ZNF292: variants seen among roughly 807,000 people sequenced by gnomAD.
The protein encoded by ZNF292 is zinc finger protein 292.
Under a neutral mutation model 217.9 loss-of-function variants are expected in ZNF292, and 26 were observed. The ratio of observed to expected loss-of-function variants is 0.12; its 90% CI spans 0.09 to 0.17. The LOEUF is 0.17. Among genes scored for constraint, ZNF292 ranks in the 10% least tolerant of loss-of-function variants. ZNF292 has a pLI of 1.00. For synonymous variants in ZNF292, 1,257 were observed against 1,124.1 expected, an observed-to-expected ratio of 1.12 and a Z score of -2.37; for missense variants, 2,904 against 3,175.2, an observed-to-expected ratio of 0.91 and a Z score of 2.05.
Position 87,257,144 on chromosome 6 carries a change from C to T in ZNF292, c.3515C>T (p.Thr1172Ile). 1 of 1,613,890 alleles carries T rather than the reference C, an allele frequency of 6.2e-7. No homozygotes were observed. The highest frequency in any genetic ancestry group is 8.5e-7 in the Non-Finnish European group (1 of 1,179,852). The part of the protein sequence containing the change: ...NSSNPFFTSQ[T>I]KANGNPACSA... ...TCAAATCCATTTTTTACATCACAGA[C>T]CAAAGCCAATGGGAATCCTGCTTGT... The change falls in exon 8 of 8, where the codon ACC becomes ATC. Residue 1172 changes from threonine (T) to isoleucine (I), a missense_variant. Coordinates refer to ENST00000369577, the MANE Select transcript of ZNF292 (RefSeq NM_015021.3).
intron 1 of ZNF292, among the ~76,000 whole-genome samples, chr6:87,168,634 T>C (rs1317962356): frequency 6.6e-6 from 1 of 152,098 alleles, no homozygotes; most frequent in Admixed American, 6.5e-5. Context: ...TGTGCCTGGC[T>C]AATTTTTCTA....
chr6:87,168,475 C>T (rs576112332), intron 1 of ZNF292, among the ~76,000 whole-genome samples: 3 of 152,186 alleles, frequency 2.0e-5, no homozygotes, highest in African/African-American at 4.8e-5. Flanking sequence ...ATATTAGCTT[C>T]GTAATAGTTT....
At chr6:87,194,706 A>G (rs1047651866) in intron 1 of ZNF292, among the ~76,000 whole-genome samples, 2 of 152,218 alleles carry the variant, frequency 1.3e-5, no homozygotes, top group Non-Finnish European at 2.9e-5. Flanking sequence ...AATTTATTTT[A>G]CAAAGTAATA....
In ZNF292 at chr6:87,261,721, G is replaced by A. The variant is rs1302008908; in HGVS notation, c.8092G>A (p.Glu2698Lys). Residue 2698 changes from glutamate to lysine, a missense_variant, in exon 8 of 8, where the codon GAA (glutamate) becomes AAA (lysine). Physicochemically the swap from Glu to Lys is moderately conservative, Grantham distance 56. Around this residue, in one of 15 missense-constraint regions of ZNF292, gnomAD observed 380 missense variants for 355.3 expected, o/e 1.07. Coordinates refer to ENST00000369577, the MANE Select transcript of ZNF292 (RefSeq NM_015021.3). ...MKPTVSLKKL[E>K]VHSNDPDMSV... Reference sequence around the variant, plus strand: ...ACCTACCGTCAGTCTGAAAAAACTTGAAGTACATTCAAATGATCCAGATAT... The same window carrying A: ...ACCTACCGTCAGTCTGAAAAAACTTAAAGTACATTCAAATGATCCAGATAT... The A allele has an allele frequency of 6.2e-7, 1 of 1,613,022 alleles. No individual in the cohort carries two copies. The highest frequency in any genetic ancestry group is 1.3e-5 in the African/African-American group (1 of 74,954).
At chr6:87,243,433 T>C (rs1485720812) in intron 5 of ZNF292, 42 bp from the exon 6 acceptor site, 1 of 1,500,160 alleles carries the variant, frequency 6.7e-7, no homozygotes, top group Non-Finnish European at 8.9e-7. Flanking sequence ...TATTCTAATA[T>C]AAAACCATTT....
At position 87,258,376 on chromosome 6, in the gene ZNF292, G is replaced by A; in HGVS notation, c.4747G>A (p.Gly1583Ser). 3 of 1,613,646 alleles carry A rather than the reference G, an allele frequency of 1.9e-6. No homozygotes were observed. The highest frequency in any genetic ancestry group is 2.5e-6 in the Non-Finnish European group (3 of 1,179,762). Residue 1583 changes from glycine to serine, a missense_variant, in exon 8 of 8, where the codon GGT (glycine) becomes AGT (serine). By Grantham distance (56) the Gly-to-Ser change is moderately conservative. Around this residue, in one of 15 missense-constraint regions of ZNF292, gnomAD observed 622 missense variants for 573.1 expected, o/e 1.09. Coordinates refer to ENST00000369577, the MANE Select transcript of ZNF292 (RefSeq NM_015021.3). ...CTTACTACTGAAGACTGTTGAAAAT[G>A]GTTTGTGCTCTAGTTCATTTCCTAA... is the stretch of plus-strand genomic sequence containing the variant. ...NDLLLKTVEN[G>S]LCSSSFPNSG...
At position 87,261,941 on chromosome 6, in the gene ZNF292, A is replaced by G; in HGVS notation, c.*140A>G. On this transcript the variant is annotated 3_prime_UTR_variant, in exon 8 of 8. Coordinates refer to ENST00000369577, the MANE Select transcript of ZNF292 (RefSeq NM_015021.3). Reference sequence around the variant, plus strand: ...CTGGCCAAAAACAAAAAAGAAAAAAAAAACATGACATTTGTCATGTAAAAC... The same window carrying G: ...CTGGCCAAAAACAAAAAAGAAAAAAGAAACATGACATTTGTCATGTAAAAC... 2 of 621,354 alleles carry G rather than the reference A, an allele frequency of 3.2e-6. No homozygotes were observed. Among genetic ancestry groups the G allele is most frequent in the Non-Finnish European group, 5.0e-6 (2 of 404,024 alleles). 38.5% of individuals were successfully genotyped at this position (621,354 alleles called of 1,614,324 possible).
In ZNF292 at chr6:87,216,055, A is replaced by G. The variant is rs1430412786; in HGVS notation, c.321A>G (p.Ala107=). The change falls in exon 2 of 8, where the codon GCA becomes GCG. Residue 107 remains alanine, a splice_region_variant and synonymous_variant. Transcript: ENST00000369577. ...TAGCCTTGGTTCTGGAACGCTTGGCATTGTGAGTAGACCTTTGAGTAAATA... is the reference window on the plus strand; with the variant it reads ...TAGCCTTGGTTCTGGAACGCTTGGCGTTGTGAGTAGACCTTTGAGTAAATA... The part of the protein sequence containing the change: ...ENVALVLERL[A]LSCVELLLCL... 6.5e-7 allele frequency: 1 copy of G among 1,550,268 alleles called. No individual in the cohort carries two copies. The highest frequency in any genetic ancestry group is 1.4e-5 in the African/African-American group (1 of 72,224).
Position 87,160,889 on chromosome 6 carries a change from G to A in ZNF292, c.168+5130G>A, listed in dbSNP as rs558283620. Among the ~76,000 whole-genome samples the A allele has an allele frequency of 7.6e-4, 115 of 152,138 alleles. No homozygotes were observed. In the South Asian group the frequency reaches 0.022, roughly 29 times the overall value. On this transcript the variant is annotated intron_variant, in intron 1 of 7. Coordinates refer to ENST00000369577, the MANE Select transcript of ZNF292 (RefSeq NM_015021.3). The stretch of plus-strand genomic sequence containing the variant: ...TAAGTTTTCTGAAGTGATCAGGACC[G>A]TCCCAACAAATGAAAGCGTAATTCC...
At chr6:87,239,115 A>C (rs1379934332) in intron 5 of ZNF292, among the ~76,000 whole-genome samples, 1 of 152,114 alleles carries the variant, frequency 6.6e-6, no homozygotes, top group South Asian at 2.1e-4. Flanking sequence ...TGATTTCTCT[A>C]TCTTTTCCCC....
intron 1 of ZNF292, among the ~76,000 whole-genome samples, chr6:87,156,598 C>A (rs1770548861): frequency 6.6e-6 from 1 of 152,218 alleles, no homozygotes; most frequent in Non-Finnish European, 1.5e-5. Flanking sequence ...ACCCCTGTTT[C>A]TTGGAGTCCT....
In ZNF292 at chr6:87,256,872, T is replaced by C. The variant is rs1383106308; in HGVS notation, c.3243T>C (p.Ser1081=). ...IAFVPPQSDL[S]NSLGTPSVPP... is the part of the protein sequence containing the mutation. The stretch of plus-strand genomic sequence containing the variant: ...TTGTTCCACCGCAGTCCGACCTAAG[T>C]AATTCATTAGGAACTCCATCAGTGC... The change falls in exon 8 of 8, where the codon AGT becomes AGC. Residue 1081 remains serine (S), a synonymous_variant. Transcript: ENST00000369577. 2 of 1,613,866 alleles carry C rather than the reference T, an allele frequency of 1.2e-6. No homozygotes were observed. The highest frequency in any genetic ancestry group is 3.3e-5 in the Admixed American group (2 of 60,006).
intron 1 of ZNF292, among the ~76,000 whole-genome samples, chr6:87,179,498 T>A (rs1366414300): frequency 1.3e-5 from 2 of 152,116 alleles, no homozygotes. Flanking sequence ...GTATGTAAAC[T>A]GTGGAGAGAA....
chr6:87,169,466 C>T (rs1771027925), intron 1 of ZNF292, among the ~76,000 whole-genome samples: 1 of 152,034 alleles, frequency 6.6e-6, no homozygotes, highest in Non-Finnish European at 1.5e-5. Flanking sequence ...CAGTGTTATA[C>T]AGATAATCAG....
intron 4 of ZNF292, among the ~76,000 whole-genome samples, chr6:87,219,982 A>C (rs1023233413): frequency 6.6e-6 from 1 of 152,006 alleles, no homozygotes; most frequent in African/African-American, 2.4e-5. Flanking sequence ...CACCACACTC[A>C]GCTAGTTTTT....
chr6:87,241,562 G>A (rs1774288726), intron 5 of ZNF292, among the ~76,000 whole-genome samples: 1 of 152,002 alleles, frequency 6.6e-6, no homozygotes. Flanking sequence ...GGAACTACAG[G>A]CATGCATCAC....
chr6:87,265,874 A>G lies in ZNF292; in HGVS notation c.*4073A>G, dbSNP rs1040604697. ...ATGTTTTGAATATTACCCGGTATTC[A>G]AGTAATGCTCATTGAATTTCAAGTA... On this transcript the variant is annotated 3_prime_UTR_variant, in exon 8 of 8. Transcript: ENST00000369577. Among the ~76,000 whole-genome samples, 1 of 152,218 alleles carries G rather than the reference A, an allele frequency of 6.6e-6. No individual in the cohort carries two copies. Among genetic ancestry groups the G allele is most frequent in the African/African-American group, 2.4e-5 (1 of 41,456 alleles).
chr6:87,178,377 C>T (rs1218817556), intron 1 of ZNF292, among the ~76,000 whole-genome samples: 1 of 152,168 alleles, frequency 6.6e-6, no homozygotes, highest in African/African-American at 2.4e-5. Flanking sequence ...CTTTAAGAAG[C>T]TGTTCTTTAC....
intron 5 of ZNF292, among the ~76,000 whole-genome samples, chr6:87,241,668 C>T (rs543366356): frequency 1.3e-5 from 2 of 152,324 alleles, no homozygotes; most frequent in South Asian, 4.1e-4. Flanking sequence ...GATCCACCCA[C>T]CTTGGCCTTC....
Sources: gnomAD v4.1 joint callset for allele counts (sites outside exome capture counted in the v4.1 genomes callset) on GRCh38, gnomAD v4.1.1 for gene constraint, gnomAD v4.1.1 regional missense constraint, MANE v1.5 for transcripts, NCBI Gene and HGNC (gene_info 2026-07-23, HGNC 2026-07-21) for gene names.